Variants in SFI1 observed in about 807,000 individuals in gnomAD.
SFI1 encodes the protein protein SFI1 homolog.
Under a neutral mutation model 207.5 loss-of-function variants are expected in SFI1, and 195 were observed. The ratio of observed to expected loss-of-function variants is 0.94; its 90% confidence interval spans 0.84 to 1.06. The LOEUF is 1.06. Among genes scored for constraint, SFI1 ranks in the 50% least tolerant of loss-of-function variants. SFI1 has a pLI of 0.00. For missense variants in SFI1, 1,634 were observed against 1,588.0 expected (o/e 1.03, Z -0.49); for synonymous variants, 630 against 598.9 (o/e 1.05, Z -0.76).
At chr22:31,554,221 G>A (rs1191602446) in intron 6 of SFI1, among the ~76,000 whole-genome samples, 1 of 151,944 alleles carries the variant, frequency 6.6e-6, no homozygotes, top group Non-Finnish European at 1.5e-5. Flanking sequence ...TTCCTCTTAT[G>A]TTTTCTCCTA....
rs1209245468 is a variant in SFI1 at position 31,606,400 on chromosome 22, T to C, written c.2127T>C (p.Ser709=). 6.2e-7 allele frequency: 1 copy of C among 1,613,798 alleles called. No homozygotes were observed. Among genetic ancestry groups the C allele is most frequent in the South Asian group, 1.1e-5 (1 of 91,078 alleles). Residue 709 remains serine (S), a synonymous_variant, in exon 21 of 33, where the codon AGT becomes AGC. Transcript: ENST00000400288. ...VDEAKKTFQA[S]THYRRTICSK... ...AAGCCAAAAAAACCTTTCAAGCAAG[T>C]ACTCATTACAGAAGGACCATATGTT... is the stretch of plus-strand genomic sequence containing the variant.
rs368043306 is a variant in SFI1, at chr22:31,575,323, C to T, written c.1015C>T (p.His339Tyr). 1.4e-5 allele frequency: 23 copies of T among 1,613,332 alleles called. No homozygotes were observed. The highest frequency in any genetic ancestry group is 1.9e-5 in the Non-Finnish European group (23 of 1,179,816). The stretch of plus-strand genomic sequence containing the variant: ...GGAGCGGAGGGAGAGCTTGTACGCT[C>T]ACCATGCCCAGGTGGAGAAACTGGC... ...AWERRESLYA[H>Y]HAQVEKLARK... The change falls in exon 10 of 33, where the codon CAC becomes TAC. Residue 339 changes from histidine to tyrosine, a missense_variant. Transcript: ENST00000400288.
At chr22:31,565,398 C>T (rs1368962604) in intron 8 of SFI1, among the ~76,000 whole-genome samples, 1 of 151,716 alleles carries the variant, frequency 6.6e-6, no homozygotes, top group Non-Finnish European at 1.5e-5. Context: ...AATGAGACCC[C>T]ATCACTTAAA....
intron 2 of SFI1, among the ~76,000 whole-genome samples, chr22:31,514,775 C>CTTT (rs1219405122): frequency 1.4e-5 from 2 of 141,098 alleles, no homozygotes; most frequent in African/African-American, 2.6e-5. Context: ...GAATTTCTTC[C>CTTT]TTTTTTTTTT....
At chr22:31,602,104 C>A in intron 15 of SFI1, 108 bp from the exon 16 acceptor site, 1 of 943,788 alleles carries the variant, frequency 1.1e-6, no homozygotes, top group Non-Finnish European at 1.7e-6. Context: ...ACCTCTTATA[C>A]GATAGCATGG....
intron 11 of SFI1, among the ~76,000 whole-genome samples, chr22:31,579,675 C>G (rs1323044807): frequency 6.6e-6 from 1 of 152,070 alleles, no homozygotes; most frequent in Non-Finnish European, 1.5e-5. Context: ...TGGTCTTGAA[C>G]TCCTGTGCTC....
In SFI1 at chr22:31,608,050, A is replaced by C. The variant is rs745343522; in HGVS notation, c.2254+17A>C. The C allele has an allele frequency of 6.2e-7, 1 of 1,606,266 alleles. No individual in the cohort carries two copies. The highest frequency in any genetic ancestry group is 1.7e-5 in the Admixed American group (1 of 59,994). On this transcript the variant is annotated intron_variant, in intron 22 of 32. Coordinates refer to ENST00000400288, the MANE Select transcript of SFI1 (RefSeq NM_001007467.3). The stretch of plus-strand genomic sequence containing the variant: ...TGGACAGGGGTAAGTGGGGCCCCAG[A>C]AGCAAGTCATGTTGAGGAATGTGAA...
intron 15 of SFI1, among the ~76,000 whole-genome samples, chr22:31,594,211 T>C (rs2066693739): frequency 6.6e-6 from 1 of 152,198 alleles, no homozygotes; most frequent in Non-Finnish European, 1.5e-5. Context: ...CCTGTTCTGC[T>C]AGACCTGGCT....
intron 1 of SFI1, among the ~76,000 whole-genome samples, chr22:31,499,320 G>C (rs569689988): frequency 1.3e-5 from 2 of 152,086 alleles, no homozygotes; most frequent in South Asian, 2.1e-4. Flanking sequence ...TCAGCCTCCC[G>C]AGTAGCTGGG....
intron 15 of SFI1, among the ~76,000 whole-genome samples, chr22:31,593,969 A>G (rs1376793170): frequency 1.0e-5 from 1 of 96,498 alleles, no homozygotes; most frequent in Non-Finnish European, 2.0e-5. Flanking sequence ...TGAGAGGGAG[A>G]CCATGGGGAG....
chr22:31,581,121 C>G (rs568928588), intron 12 of SFI1, among the ~76,000 whole-genome samples: 1 of 152,154 alleles, frequency 6.6e-6, no homozygotes, highest in East Asian at 1.9e-4. Context: ...GTTGGGACTA[C>G]AGCTGTAAGC....
intron 2 of SFI1, among the ~76,000 whole-genome samples, chr22:31,524,738 T>G (rs982577590): frequency 1.3e-5 from 2 of 151,868 alleles, no homozygotes; most frequent in African/African-American, 4.8e-5. Flanking sequence ...TTTGAGTTCT[T>G]TGTATATTCT....
intron 1 of SFI1, among the ~76,000 whole-genome samples, chr22:31,502,570 C>T (rs2053972264): frequency 6.6e-6 from 1 of 151,954 alleles, no homozygotes; most frequent in Non-Finnish European, 1.5e-5. Context: ...GACGGGGTTT[C>T]ACCATGTTGT....
chr22:31,597,460 G>A (rs923210994), intron 15 of SFI1, among the ~76,000 whole-genome samples: 1 of 152,178 alleles, frequency 6.6e-6, no homozygotes, highest in African/African-American at 2.4e-5. Flanking sequence ...AGCTGGACAA[G>A]CCTGAGTTCA....
intron 2 of SFI1, among the ~76,000 whole-genome samples, chr22:31,513,952 G>A (rs1438960501): frequency 6.6e-6 from 1 of 151,648 alleles, no homozygotes; most frequent in Admixed American, 6.6e-5. Context: ...TGGCTGACAT[G>A]GCAAGACCCT....
intron 15 of SFI1, among the ~76,000 whole-genome samples, chr22:31,594,259 C>T (rs1056363961): frequency 1.2e-4 from 19 of 152,052 alleles, no homozygotes; most frequent in Non-Finnish European, 7.4e-5. Context: ...AACAAAATTA[C>T]AAAGGTCGGG....
chr22:31,554,544 G>A (rs2060972847), intron 6 of SFI1, among the ~76,000 whole-genome samples: 1 of 150,248 alleles, frequency 6.7e-6, no homozygotes, highest in African/African-American at 2.5e-5. Flanking sequence ...TCCTGACCTC[G>A]TGATCCGCCC....
intron 14 of SFI1, 98 bp from the exon 15 acceptor site, chr22:31,589,349 T>C: frequency 1.8e-6 from 2 of 1,087,220 alleles, no homozygotes; most frequent in Non-Finnish European, 1.3e-6. Flanking sequence ...TCATTTTTAT[T>C]ATATAGGAAG....
At chr22:31,567,439 C>T (rs982928764) in intron 8 of SFI1, among the ~76,000 whole-genome samples, 17 of 152,038 alleles carry the variant, frequency 1.1e-4, no homozygotes, top group African/African-American at 3.9e-4. Flanking sequence ...AGGTGAAGAG[C>T]TGCTGGCTCT....
Sources: gnomAD v4.1 joint callset for allele counts (sites outside exome capture counted in the v4.1 genomes callset) on GRCh38, gnomAD v4.1.1 for gene constraint, MANE v1.5 for transcripts, NCBI Gene and HGNC (gene_info 2026-07-23, HGNC 2026-07-21) for gene names.